The following OR1J2 variants were observed in gnomAD, a reference collection of about 807,000 sequenced individuals.
OR1J2 encodes the protein olfactory receptor 1J2.
For missense variants in OR1J2, 304 were observed against 246.1 expected (o/e 1.24, Z -1.57); for synonymous variants, 142 against 99.7 (o/e 1.42, Z -2.52).
At chr9:122,499,295 G>C in the OR1J2 span, among the ~76,000 whole-genome samples, 1 of 152,232 alleles carries the variant, frequency 6.6e-6, no homozygotes, top group South Asian at 2.1e-4. Context: ...TCTCTGCATG[G>C]GGACAGGGGG....
the OR1J2 span, among the ~76,000 whole-genome samples, chr9:122,546,882 A>G: frequency 6.6e-6 from 1 of 152,184 alleles, no homozygotes; most frequent in Admixed American, 6.5e-5. Flanking sequence ...GTTTTGATAC[A>G]TATATAGTGA....
the OR1J2 span, among the ~76,000 whole-genome samples, chr9:122,496,795 G>T: frequency 6.6e-6 from 1 of 152,134 alleles, no homozygotes; most frequent in Non-Finnish European, 1.5e-5. Context: ...TCCAAAGGAG[G>T]CAATCAGGCA....
chr9:122,568,267 C>G, the OR1J2 span: 1 of 1,614,002 alleles, frequency 6.2e-7, no homozygotes. Flanking sequence ...AAGCAAATAT[C>G]AGTGAGAGAC....
the OR1J2 span, among the ~76,000 whole-genome samples, chr9:122,493,218 G>A: frequency 2.6e-5 from 4 of 152,044 alleles, no homozygotes; most frequent in Non-Finnish European, 4.4e-5. Flanking sequence ...TGGCTTCACA[G>A]AATGTGTTAG....
the OR1J2 span, among the ~76,000 whole-genome samples, chr9:122,462,508 T>A: frequency 6.6e-6 from 1 of 152,246 alleles, no homozygotes; most frequent in South Asian, 2.1e-4. Flanking sequence ...TTTTGTTGTT[T>A]AATAGGTCCT....
At chr9:122,509,185 C>A (rs1481399940), upstream of OR1J2, among the ~76,000 whole-genome samples, 1 of 152,170 alleles carries the variant, frequency 6.6e-6, no homozygotes, top group Non-Finnish European at 1.5e-5. Flanking sequence ...TGCACCACAG[C>A]AGATTTACAG....
the OR1J2 span, among the ~76,000 whole-genome samples, chr9:122,478,297 A>G: frequency 1.3e-5 from 2 of 152,240 alleles, no homozygotes; most frequent in Non-Finnish European, 2.9e-5. Flanking sequence ...GCTAAGGCAG[A>G]CAGTCTTATA....
the OR1J2 span, among the ~76,000 whole-genome samples, chr9:122,564,194 GT>G: frequency 6.6e-6 from 1 of 152,118 alleles, no homozygotes; most frequent in Non-Finnish European, 1.5e-5. Context: ...AATTATGGGG[GT>G]CATGTGATTA....
chr9:122,572,425 C>T, the OR1J2 span, among the ~76,000 whole-genome samples: 1 of 152,156 alleles, frequency 6.6e-6, no homozygotes, highest in East Asian at 1.9e-4. Flanking sequence ...TTTGGATGCT[C>T]CAGACTGTAG....
chr9:122,448,540 T>A, the OR1J2 span, among the ~76,000 whole-genome samples: 1 of 152,098 alleles, frequency 6.6e-6, no homozygotes, highest in Non-Finnish European at 1.5e-5. Flanking sequence ...GTTAGGTCTT[T>A]CCCATCCCAA....
At chr9:122,523,218 G>A in the OR1J2 span, among the ~76,000 whole-genome samples, 11 of 152,158 alleles carry the variant, frequency 7.2e-5, no homozygotes, top group Non-Finnish European at 1.6e-4. Flanking sequence ...CACTGAATTT[G>A]CATGGTATGT....
the OR1J2 span, among the ~76,000 whole-genome samples, chr9:122,487,254 T>C: frequency 6.6e-6 from 1 of 152,188 alleles, no homozygotes; most frequent in African/African-American, 2.4e-5. Flanking sequence ...TATTATTTTT[T>C]AAACCTTGAA....
chr9:122,503,386 A>G, the OR1J2 span, among the ~76,000 whole-genome samples: 1 of 152,214 alleles, frequency 6.6e-6, no homozygotes, highest in Non-Finnish European at 1.5e-5. Flanking sequence ...AGCTGCTATT[A>G]GGTTAAACAT....
chr9:122,467,669 G>T, the OR1J2 span, among the ~76,000 whole-genome samples: 43 of 152,192 alleles, frequency 2.8e-4, 1 homozygote, highest in South Asian at 8.7e-3. Flanking sequence ...GCACTGCAAG[G>T]TATTAAACTT....
the OR1J2 span, among the ~76,000 whole-genome samples, chr9:122,547,369 G>A: frequency 6.6e-6 from 1 of 152,058 alleles, no homozygotes; most frequent in Admixed American, 6.6e-5. Flanking sequence ...TATTTTATTT[G>A]TTATATACTG....
chr9:122,557,314 G>C, the OR1J2 span, among the ~76,000 whole-genome samples: 1 of 152,068 alleles, frequency 6.6e-6, no homozygotes. Flanking sequence ...TCTTAGTGCA[G>C]AGCTTTTAGT....
the OR1J2 span, among the ~76,000 whole-genome samples, chr9:122,570,646 G>A: frequency 9.2e-5 from 14 of 152,100 alleles, no homozygotes; most frequent in Non-Finnish European, 1.5e-4. Context: ...CCACCTCAGC[G>A]TCATCGTCCC....
the OR1J2 span, among the ~76,000 whole-genome samples, chr9:122,459,818 A>G: frequency 2.3e-4 from 35 of 152,122 alleles, no homozygotes; most frequent in African/African-American, 8.4e-4. Context: ...CATTGTAGTC[A>G]ATGTGTGGTC....
At chr9:122,455,583 T>C in the OR1J2 span, among the ~76,000 whole-genome samples, 1 of 152,212 alleles carries the variant, frequency 6.6e-6, no homozygotes, top group Non-Finnish European at 1.5e-5. Flanking sequence ...GAGCTCTTTA[T>C]ATATTCTGGA....
Sources: allele counts gnomAD v4.1 joint callset (sites outside exome capture counted in the v4.1 genomes callset), GRCh38; gene constraint gnomAD v4.1.1; transcripts MANE v1.5; gene names NCBI Gene and HGNC (gene_info 2026-07-23, HGNC 2026-07-21).